The following DGKG variants were observed in gnomAD, a reference collection of about 807,000 sequenced individuals.
DGKG encodes the protein DAG kinase gamma.
Under a neutral mutation model 105.3 loss-of-function variants are expected in DGKG, and 78 were observed. The observed-to-expected ratio is 0.74, with a 90% CI of 0.62 to 0.89. The LOEUF is 0.89. DGKG is among the 40% of genes least tolerant of loss of function. DGKG has a pLI of 0.00. For synonymous variants in DGKG, 346 were observed against 367.1 expected, an observed-to-expected ratio of 0.94 and a Z score of 0.66; for missense variants, 958 against 1,020.1, an observed-to-expected ratio of 0.94 and a Z score of 0.83.
chr3:186,165,191 A>G (rs1716480611), intron 22 of DGKG, among the ~76,000 whole-genome samples, 173 bp from the exon 23 acceptor site: 1 of 152,140 alleles, frequency 6.6e-6, no homozygotes. Context: ...CAATAAATGT[A>G]CCTTTTCATG....
chr3:186,207,846 C>G (rs1165689631), intron 21 of DGKG, among the ~76,000 whole-genome samples: 1 of 152,158 alleles, frequency 6.6e-6, no homozygotes, highest in East Asian at 1.9e-4. Context: ...TTCCTTAGCG[C>G]TAGGTAAGCA....
At chr3:186,272,376 T>C (rs367864196) in intron 10 of DGKG, 33 bp from the exon 11 acceptor site, 127 of 1,526,548 alleles carry the variant, frequency 8.3e-5, no homozygotes, top group Non-Finnish European at 7.4e-5. Context: ...CAGGTGCTTG[T>C]GAATAGCCAC....
intron 2 of DGKG, among the ~76,000 whole-genome samples, chr3:186,308,095 C>G (rs144974948): frequency 6.6e-6 from 1 of 152,168 alleles, no homozygotes; most frequent in Non-Finnish European, 1.5e-5. Context: ...CCTTAATGTT[C>G]CCTCTATGTT....
intron 22 of DGKG, among the ~76,000 whole-genome samples, chr3:186,178,166 C>G (rs1391970717): frequency 1.3e-5 from 2 of 152,272 alleles, no homozygotes; most frequent in South Asian, 2.1e-4. Flanking sequence ...TGTGAGAGAT[C>G]GATTTCTGTT....
At chr3:186,224,186 G>A (rs752745819) in intron 20 of DGKG, among the ~76,000 whole-genome samples, 4 of 152,066 alleles carry the variant, frequency 2.6e-5, no homozygotes, top group Non-Finnish European at 2.9e-5. Flanking sequence ...AAAATATTCC[G>A]CTTGGTTTAT....
At chr3:186,250,295 C>T (rs1039442334) in intron 19 of DGKG, among the ~76,000 whole-genome samples, 24 of 151,834 alleles carry the variant, frequency 1.6e-4, no homozygotes, top group African/African-American at 4.4e-4. Flanking sequence ...CACATGGACA[C>T]GAGGGGGAAA....
In DGKG at chr3:186,284,468, A is replaced by T. The variant is rs1311928476; in HGVS notation, c.594+192T>A. On this transcript the variant is annotated intron_variant, in intron 7 of 24. Coordinates refer to ENST00000265022, the MANE Select transcript of DGKG (RefSeq NM_001346.3). The surrounding 1 kb of genome is among the most constrained non-coding windows in gnomAD (Gnocchi z 4.0). ...TTCTAGAGCGAAAAGGTAAGTTGGCATTCACGCTCTGCAAGGCCGGCCCTT... is the reference window on the plus strand; with the variant it reads ...TTCTAGAGCGAAAAGGTAAGTTGGCTTTCACGCTCTGCAAGGCCGGCCCTT... Among the ~76,000 whole-genome samples the T allele has an allele frequency of 6.7e-6, 1 of 150,216 alleles. No individual in the cohort carries two copies. Among genetic ancestry groups the T allele is most frequent in the South Asian group, 2.1e-4 (1 of 4,828 alleles).
intron 1 of DGKG, among the ~76,000 whole-genome samples, chr3:186,350,689 C>A (rs1560168082): frequency 6.6e-6 from 1 of 152,158 alleles, no homozygotes; most frequent in African/African-American, 2.4e-5. Flanking sequence ...GTGGCTGTAC[C>A]ACTTCACATT....
At chr3:186,154,281 C>T (rs1463564483) in intron 24 of DGKG, among the ~76,000 whole-genome samples, 17 of 152,114 alleles carry the variant, frequency 1.1e-4, no homozygotes, top group African/African-American at 1.2e-4. Flanking sequence ...TAGTTGTTTC[C>T]GGGCTCTCCA....
chr3:186,174,109 T>C (rs1395515832), intron 22 of DGKG, among the ~76,000 whole-genome samples: 1 of 152,218 alleles, frequency 6.6e-6, no homozygotes, highest in Non-Finnish European at 1.5e-5. Flanking sequence ...TCCTGTCACT[T>C]GGGAGAAGAC....
chr3:186,150,288 A>G (rs1715695924), intron 24 of DGKG, 100 bp from the exon 25 acceptor site: 1 of 1,429,326 alleles, frequency 7.0e-7, no homozygotes, highest in East Asian at 2.5e-5. Context: ...TCAGGATGGA[A>G]GGAGCCCCAT....
intron 21 of DGKG, among the ~76,000 whole-genome samples, chr3:186,190,750 C>T (rs949831722): frequency 2.6e-5 from 4 of 152,308 alleles, no homozygotes; most frequent in South Asian, 2.1e-4. Context: ...CTCTAGTCTA[C>T]CCAGCTTACT....
intron 20 of DGKG, among the ~76,000 whole-genome samples, chr3:186,220,078 A>T (rs1000127601): frequency 2.0e-5 from 3 of 152,204 alleles, no homozygotes; most frequent in African/African-American, 4.8e-5. Context: ...TTAAACTATA[A>T]TTTTTTTGAT....
chr3:186,245,983 T>G (rs1166676772), intron 19 of DGKG, among the ~76,000 whole-genome samples: 1 of 152,184 alleles, frequency 6.6e-6, no homozygotes, highest in Non-Finnish European at 1.5e-5. Flanking sequence ...AATTTTTTTA[T>G]TTTTTTGAGA....
chr3:186,152,665 C>G (rs1387134548), intron 24 of DGKG, among the ~76,000 whole-genome samples: 2 of 151,990 alleles, frequency 1.3e-5, no homozygotes, highest in Non-Finnish European at 2.9e-5. Flanking sequence ...GCCCCTCCCC[C>G]ACATTTTTTT....
chr3:186,267,156 A>T (rs1722091669), intron 13 of DGKG, among the ~76,000 whole-genome samples: 2 of 152,118 alleles, frequency 1.3e-5, no homozygotes. Context: ...TACTGTTTGG[A>T]TGTGGCAGGG....
intron 1 of DGKG, among the ~76,000 whole-genome samples, chr3:186,323,936 C>CAAAAA (rs35989455): frequency 1.4e-5 from 1 of 72,016 alleles, no homozygotes; most frequent in African/African-American, 5.7e-5. Context: ...GACTCCGTCT[C>CAAAAA]AAAAAAAAAA....
At chr3:186,300,514 T>C (rs751982705) in intron 3 of DGKG, among the ~76,000 whole-genome samples, 3 of 152,218 alleles carry the variant, frequency 2.0e-5, no homozygotes, top group Non-Finnish European at 4.4e-5. Context: ...TTGTTCTGTT[T>C]TGGTTCTCTT....
intron 3 of DGKG, among the ~76,000 whole-genome samples, chr3:186,299,841 T>TTTCTTCTTTC: frequency 1.3e-5 from 1 of 74,614 alleles, no homozygotes; most frequent in Non-Finnish European, 2.5e-5. Flanking sequence ...TTCTTTCTTT[T>TTTCTTCTTTC]TTTTTTTTTT....
Sources: gnomAD v4.1 joint callset for allele counts (sites outside exome capture counted in the v4.1 genomes callset) on GRCh38, gnomAD v4.1.1 for gene constraint, Gnocchi (gnomAD v3.1) non-coding constraint, MANE v1.5 for transcripts, NCBI Gene and HGNC (gene_info 2026-07-23, HGNC 2026-07-21) for gene names.